SORBS2: variants seen among roughly 807,000 people sequenced by gnomAD.
SORBS2 encodes the protein sorbin and SH3 domain containing 2.
A neutral mutation model predicts 97.7 loss-of-function variants in SORBS2; 46 were observed. The observed-to-expected ratio is 0.47, with a 90% CI of 0.37 to 0.60. SORBS2 has a LOEUF of 0.60. Ranked by LOEUF, SORBS2 falls within the 20% of genes least tolerant of loss-of-function variation. The pLI is 0.00. For missense variants in SORBS2, 1,316 were observed against 1,282.3 expected, an observed-to-expected ratio of 1.03 and a Z score of -0.40; for synonymous variants, 476 against 473.4, an observed-to-expected ratio of 1.01 and a Z score of -0.07.
At position 185,623,020 on chromosome 4, in the gene SORBS2, T is replaced by A; in HGVS notation, c.2109A>T (p.Pro703=). 6.2e-7 allele frequency: 1 copy of A among 1,614,052 alleles called. No individual in the cohort carries two copies. The highest frequency in any genetic ancestry group is 1.3e-5 in the African/African-American group (1 of 75,012). Residue 703 remains proline, a synonymous_variant, in exon 7 of 15, where the codon CCA becomes CCT. Coordinates refer to ENST00000418609, the Ensembl canonical transcript of SORBS2. The surrounding 1 kb of genome is among the most constrained non-coding windows in gnomAD (Gnocchi z 6.4). ...TTCTCCCGCAGTCATTCTGGTAGGG[T>A]GGACAATGAATAGCACCATCGGGAG...
At chr4:185,705,320 C>T (rs986375912) in intron 2 of SORBS2, among the ~76,000 whole-genome samples, 5 of 151,996 alleles carry the variant, frequency 3.3e-5, no homozygotes, top group African/African-American at 4.8e-5. Flanking sequence ...TGGACCTGTT[C>T]GTTAAAAAAA....
At chr4:185,624,272 C>A in exon 7 of SORBS2, 1 of 1,614,142 alleles carries the variant, frequency 6.2e-7, no homozygotes, top group Non-Finnish European at 8.5e-7. Flanking sequence ...GTCACAGCTC[C>A]GGGATTTGAT....
At position 185,899,850 on chromosome 4, in the gene SORBS2, G is replaced by GACTT. The variant is rs1561281324; in HGVS notation, c.-338+56342_-338+56345dup. 2.6e-5 allele frequency among the ~76,000 whole-genome samples: 4 copies of GACTT among 152,314 alleles called. No homozygotes were observed. In the South Asian group the frequency reaches 8.3e-4, roughly 32 times the overall value. The stretch of plus-strand genomic sequence containing the variant: ...GGTTACCATACTGGACGCCATGGAA[G>GACTT]ACTTATTAGAAGGGGGTAAAGTTGG... On this transcript the variant is annotated intron_variant, in intron 1 of 20. Transcript: ENST00000284776.
chr4:185,877,720 A>C (rs1243266988), intron 1 of SORBS2, among the ~76,000 whole-genome samples: 1 of 151,814 alleles, frequency 6.6e-6, no homozygotes, highest in East Asian at 1.9e-4. Flanking sequence ...AAATACAAAA[A>C]ATTAACCAGC....
At chr4:185,678,748 TA>T in intron 3 of SORBS2, 47 bp downstream of exon 6, 1 of 1,331,562 alleles carries the variant, frequency 7.5e-7, no homozygotes, top group Non-Finnish European at 1.0e-6. Context: ...ATATGTTTTC[TA>T]AAAGTCACAA....
intron 1 of SORBS2, among the ~76,000 whole-genome samples, chr4:185,863,406 T>C (rs1164330947): frequency 6.6e-6 from 1 of 152,224 alleles, no homozygotes; most frequent in Non-Finnish European, 1.5e-5. Context: ...CTATGCTTAT[T>C]TCCTTCTGGA....
intron 4 of SORBS2, chr4:185,677,119 G>C: frequency 6.4e-7 from 1 of 1,551,686 alleles, no homozygotes; most frequent in Middle Eastern, 1.7e-4. Flanking sequence ...TCAAGATCCT[G>C]TCCTGAAAGG....
chr4:185,689,048 A>C (rs1158693300), intron 2 of SORBS2, among the ~76,000 whole-genome samples: 3 of 152,232 alleles, frequency 2.0e-5, no homozygotes, highest in African/African-American at 7.2e-5. Flanking sequence ...AGTGACTTAA[A>C]CAAATTTACA....
intron 2 of SORBS2, chr4:185,772,966 G>A (rs758753750): frequency 7.2e-5 from 11 of 152,052 alleles, no homozygotes; most frequent in Admixed American, 6.5e-5. Flanking sequence ...GGTGAAACTC[G>A]GTGGCTTTGG....
At chr4:185,914,135 A>G (rs1297277153) in intron 1 of SORBS2, among the ~76,000 whole-genome samples, 1 of 152,252 alleles carries the variant, frequency 6.6e-6, no homozygotes, top group Non-Finnish European at 1.5e-5. Flanking sequence ...TGTGGACAAT[A>G]ACTAGCTTGC....
rs10006548 is a variant in SORBS2, at chr4:185,904,132, A to G, written c.-338+52064T>C. ...AACTGTGGTCTCTTATCATGACTTC[A>G]GTTTTCTAAATTTAACTTATGGATG... On this transcript the variant is annotated intron_variant, in intron 1 of 20. Transcript: ENST00000284776. Among the ~76,000 whole-genome samples the G allele has an allele frequency of 3.7e-3, 564 of 152,318 alleles. 3 individuals are homozygous for G. Among genetic ancestry groups the G allele is most frequent in the African/African-American group, 0.013 (540 of 41,572 alleles).
intron 2 of SORBS2, among the ~76,000 whole-genome samples, chr4:185,680,631 A>C (rs903477973): frequency 6.6e-6 from 1 of 152,104 alleles, no homozygotes; most frequent in Non-Finnish European, 1.5e-5. Context: ...GAGGATAGGG[A>C]GTTTCTTTTA....
At chr4:185,669,632 A>G (rs1443294902) in intron 4 of SORBS2, among the ~76,000 whole-genome samples, 3 of 152,208 alleles carry the variant, frequency 2.0e-5, no homozygotes, top group African/African-American at 7.2e-5. Context: ...AGTAATTGAG[A>G]TAAATTCTGT....
At chr4:185,747,194 C>T (rs1052683538) in intron 2 of SORBS2, among the ~76,000 whole-genome samples, 1 of 152,136 alleles carries the variant, frequency 6.6e-6, no homozygotes, top group African/African-American at 2.4e-5. Context: ...GTCGGCAAGA[C>T]AAGGAGGAAG....
intron 2 of SORBS2, among the ~76,000 whole-genome samples, chr4:185,745,129 A>G (rs899292944): frequency 6.6e-6 from 1 of 152,192 alleles, no homozygotes; most frequent in Non-Finnish European, 1.5e-5. Context: ...ACAGGCAGTG[A>G]GTACATCTCC....
At chr4:185,663,616 G>A (rs2153476509) in intron 4 of SORBS2, among the ~76,000 whole-genome samples, 1 of 152,268 alleles carries the variant, frequency 6.6e-6, no homozygotes, top group East Asian at 1.9e-4. Flanking sequence ...TGGATGATTT[G>A]AGAACACTTT....
chr4:185,886,420 T>G (rs2099239520), intron 1 of SORBS2, among the ~76,000 whole-genome samples: 1 of 151,710 alleles, frequency 6.6e-6, no homozygotes, highest in South Asian at 2.1e-4. Context: ...CCGGGCATGG[T>G]GGCGGTTGCC....
intron 1 of SORBS2, among the ~76,000 whole-genome samples, chr4:185,885,003 C>A (rs548543702): frequency 5.9e-5 from 9 of 152,084 alleles, no homozygotes; most frequent in Non-Finnish European, 8.8e-5. Flanking sequence ...ATGTACGCAG[C>A]GGCTCCTCCA....
chr4:185,775,676 C>T (rs1242516128), intron 1 of SORBS2: 1 of 152,228 alleles, frequency 6.6e-6, no homozygotes, highest in Non-Finnish European at 1.5e-5. Flanking sequence ...AAACACAGTG[C>T]TCCTCAAGTT....
Sources: gnomAD v4.1 joint callset for allele counts (sites outside exome capture counted in the v4.1 genomes callset) on GRCh38, gnomAD v4.1.1 for gene constraint, Gnocchi (gnomAD v3.1) non-coding constraint, MANE v1.5 for transcripts, NCBI Gene and HGNC (gene_info 2026-07-23, HGNC 2026-07-21) for gene names.